KIF26B: variants seen among roughly 807,000 people sequenced by gnomAD.
KIF26B encodes kinesin family member 26B, also known as kinesin-like protein KIF26B.
A neutral mutation model predicts 151.2 loss-of-function variants in KIF26B; 63 were observed. The ratio of observed to expected loss-of-function variants is 0.42; its 90% CI spans 0.34 to 0.51. The LOEUF (loss-of-function observed/expected upper bound fraction) is 0.51, where lower values mean the gene tolerates loss of function less well. KIF26B is among the 20% of genes least tolerant of loss of function. KIF26B has a pLI of 0.07. For missense variants in KIF26B, 2,813 were observed against 2,913.6 expected (o/e 0.97, Z 0.79); for synonymous variants, 1,357 against 1,262.1 (o/e 1.08, Z -1.59).
intron 2 of KIF26B, among the ~76,000 whole-genome samples, chr1:245,287,953 G>A (rs1044984069): frequency 2.0e-5 from 3 of 150,274 alleles, no homozygotes; most frequent in African/African-American, 7.4e-5. Context: ...TATCTTTTAG[G>A]TACTCCAAGA....
chr1:245,367,417 C>G lies in KIF26B; in HGVS notation c.999+50C>G. On this transcript the variant is annotated intron_variant, in intron 3 of 14. Transcript: ENST00000407071. The surrounding 1 kb of genome is among the most constrained non-coding windows in gnomAD (Gnocchi z 4.2). The stretch of plus-strand genomic sequence containing the variant: ...AGAGCAGGGCTGGCTGGAGTCAAAG[C>G]GGAGAAGTAGGCAGCACTTCCTTCC... 6.7e-7 allele frequency: 1 copy of G among 1,489,286 alleles called. No individual in the cohort carries two copies. The highest frequency in any genetic ancestry group is 9.1e-7 in the Non-Finnish European group (1 of 1,104,718). The allele number at this position is 1,489,286 out of a possible 1,614,324, so 92.3% of individuals were successfully genotyped here.
chr1:245,671,970 A>G (rs949434040), intron 10 of KIF26B, among the ~76,000 whole-genome samples: 3 of 152,104 alleles, frequency 2.0e-5, no homozygotes, highest in African/African-American at 7.2e-5. Flanking sequence ...CATCCTCCTC[A>G]CTCAGCCTCC....
chr1:245,504,725 C>A (rs1309735889), intron 4 of KIF26B, among the ~76,000 whole-genome samples: 2 of 151,844 alleles, frequency 1.3e-5, no homozygotes, highest in Admixed American at 6.6e-5. Context: ...CAGGTGTGAG[C>A]CACTGTGCCC....
In KIF26B at chr1:245,447,987, C is replaced by T. The variant is rs1380139764; in HGVS notation, c.1166+28242C>T. 2.6e-5 allele frequency among the ~76,000 whole-genome samples: 4 copies of T among 152,332 alleles called. No individual in the cohort carries two copies. The South Asian group carries it at 8.3e-4, about 32-fold the overall frequency. Reference sequence around the variant, plus strand: ...GTTTTCTGCTACCCTACCACCAGCTCGCCCTTGAAGTTTTACTGGGTGAAG... The same window carrying T: ...GTTTTCTGCTACCCTACCACCAGCTTGCCCTTGAAGTTTTACTGGGTGAAG... On this transcript the variant is annotated intron_variant, in intron 4 of 14. Coordinates refer to ENST00000407071, the MANE Select transcript of KIF26B (RefSeq NM_018012.4).
intron 2 of KIF26B, among the ~76,000 whole-genome samples, chr1:245,217,824 G>C (rs192282698): frequency 4.0e-4 from 61 of 152,176 alleles, no homozygotes; most frequent in Admixed American, 1.2e-3. Flanking sequence ...GCACAGGTCC[G>C]CAGAACAGTC....
intron 3 of KIF26B, among the ~76,000 whole-genome samples, chr1:245,385,338 G>T (rs1374604352): frequency 6.6e-6 from 1 of 152,198 alleles, no homozygotes; most frequent in African/African-American, 2.4e-5. Flanking sequence ...GGGTTAATTG[G>T]TACAAATATA....
At chr1:245,203,207 A>C (rs1415372266) in intron 2 of KIF26B, among the ~76,000 whole-genome samples, 1 of 145,502 alleles carries the variant, frequency 6.9e-6, no homozygotes, top group Non-Finnish European at 1.5e-5. Flanking sequence ...AGACTGTGTC[A>C]TTGCACTCCA....
At chr1:245,256,666 G>A (rs932245302) in intron 2 of KIF26B, among the ~76,000 whole-genome samples, 7 of 152,122 alleles carry the variant, frequency 4.6e-5, no homozygotes, top group Non-Finnish European at 1.0e-4. Flanking sequence ...TAATCCAGGC[G>A]GTGATGGGAA....
intron 2 of KIF26B, among the ~76,000 whole-genome samples, chr1:245,195,815 AG>A (rs1669182269): frequency 6.6e-6 from 1 of 152,240 alleles, no homozygotes; most frequent in Non-Finnish European, 1.5e-5. Flanking sequence ...CTCTGAGGAT[AG>A]GGGTAATAGG....
chr1:245,314,118 C>T (rs539246505), intron 2 of KIF26B, among the ~76,000 whole-genome samples: 7 of 152,178 alleles, frequency 4.6e-5, no homozygotes, highest in Non-Finnish European at 1.0e-4. Flanking sequence ...CCCTTGGGGT[C>T]AGAGACAGGG....
intron 2 of KIF26B, among the ~76,000 whole-genome samples, chr1:245,307,797 G>A (rs1283738886): frequency 6.7e-6 from 1 of 150,002 alleles, no homozygotes; most frequent in African/African-American, 2.5e-5. Context: ...CTGGAGTGCG[G>A]TGGCGCGATC....
At chr1:245,600,579 C>G (rs2043385839) in intron 5 of KIF26B, among the ~76,000 whole-genome samples, 1 of 151,940 alleles carries the variant, frequency 6.6e-6, no homozygotes, top group South Asian at 2.1e-4. Flanking sequence ...CCTCTGCCCA[C>G]ATGCTGGGCA....
chr1:245,666,959 C>T (rs73125115), intron 10 of KIF26B, among the ~76,000 whole-genome samples: 5,779 of 151,990 alleles, frequency 0.038, 148 homozygotes, highest in South Asian at 0.1. Context: ...TGTTCCTCTT[C>T]GGGGAACGTT....
chr1:245,173,437 T>C (rs893634709), intron 2 of KIF26B, among the ~76,000 whole-genome samples: 1 of 152,224 alleles, frequency 6.6e-6, no homozygotes, highest in African/African-American at 2.4e-5. Flanking sequence ...GATATCCCTG[T>C]GCACTGGTCG....
At chr1:245,427,365 C>T (rs573783865) in intron 4 of KIF26B, among the ~76,000 whole-genome samples, 7 of 152,248 alleles carry the variant, frequency 4.6e-5, no homozygotes, top group African/African-American at 1.7e-4. Context: ...CCCAGCACTT[C>T]GGGAGGCCGA....
rs1553345155 is a variant in KIF26B at position 245,318,885 on chromosome 1, G to GGA, written c.466-47949_466-47948insGA. Among the ~76,000 whole-genome samples, 2 of 150,552 alleles carry GGA rather than the reference G, an allele frequency of 1.3e-5. No individual in the cohort carries two copies. The highest frequency in any genetic ancestry group is 1.3e-4 in the Admixed American group (2 of 15,086). On this transcript the variant is annotated intron_variant, in intron 2 of 14. Transcript: ENST00000407071. This position sits in a 1 kb window ranked among gnomAD's most constrained non-coding sequence, Gnocchi z 4.0. Reference sequence around the variant, plus strand: ...ATCAGCCTGAGCCAAGATTGATGAGGAAAAAAAAACAAAAACCAAAATCTA... The same window carrying GGA: ...ATCAGCCTGAGCCAAGATTGATGAGGGAAAAAAAAAACAAAAACCAAAATCTA...
rs987267648 is a variant in KIF26B at position 245,318,281 on chromosome 1, G to A, written c.466-48553G>A. On this transcript the variant is annotated intron_variant, in intron 2 of 14. Transcript: ENST00000407071. This position sits in a 1 kb window ranked among gnomAD's most constrained non-coding sequence, Gnocchi z 4.0. ...AACGTCAACTCTTGTCATTGCTTGGGGGGTAAAGGCAATACAAGGAATGAC... is the reference window on the plus strand; with the variant it reads ...AACGTCAACTCTTGTCATTGCTTGGAGGGTAAAGGCAATACAAGGAATGAC... 1.3e-5 allele frequency among the ~76,000 whole-genome samples: 2 copies of A among 152,134 alleles called. No homozygotes were observed. Among genetic ancestry groups the A allele is most frequent in the African/African-American group, 2.4e-5 (1 of 41,424 alleles).
intron 4 of KIF26B, among the ~76,000 whole-genome samples, chr1:245,453,120 A>G (rs1276160390): frequency 1.3e-5 from 2 of 152,124 alleles, no homozygotes; most frequent in Non-Finnish European, 2.9e-5. Context: ...GGTGTGAGGT[A>G]GGGGCCCAAC....
At chr1:245,536,842 T>C (rs1054903699) in intron 4 of KIF26B, among the ~76,000 whole-genome samples, 2 of 152,230 alleles carry the variant, frequency 1.3e-5, no homozygotes, top group African/African-American at 2.4e-5. Flanking sequence ...GACCTGGGCT[T>C]CCTCACAGCA....
Sources: allele counts gnomAD v4.1 joint callset (sites outside exome capture counted in the v4.1 genomes callset), GRCh38; gene constraint gnomAD v4.1.1; non-coding constraint Gnocchi (gnomAD v3.1); transcripts MANE v1.5; gene names NCBI Gene and HGNC (gene_info 2026-07-23, HGNC 2026-07-21).